Variants in SKAP2 observed in about 807,000 individuals in gnomAD.
SKAP2 encodes the protein src kinase associated phosphoprotein 2.
SKAP2 carries 28 observed loss-of-function variants against 54.9 expected under a neutral mutation model. The observed-to-expected ratio is 0.51, with a 90% CI of 0.38 to 0.70. The LOEUF (loss-of-function observed/expected upper bound fraction) is 0.70, where lower values mean the gene tolerates loss of function less well. SKAP2 is among the 30% of genes least tolerant of loss of function. SKAP2 has a pLI of 0.00. For missense variants in SKAP2, 356 were observed against 424.1 expected, an observed-to-expected ratio of 0.84 and a Z score of 1.41; for synonymous variants, 137 against 134.3, an observed-to-expected ratio of 1.02 and a Z score of -0.14.
chr7:26,745,405 A>G (rs903328534), intron 4 of SKAP2, among the ~76,000 whole-genome samples: 1 of 152,254 alleles, frequency 6.6e-6, no homozygotes, highest in African/African-American at 2.4e-5. Context: ...CAAATAAATA[A>G]AGCATCTACA....
intron 4 of SKAP2, among the ~76,000 whole-genome samples, chr7:26,799,894 G>A (rs1181955651): frequency 6.6e-6 from 1 of 151,996 alleles, no homozygotes; most frequent in Non-Finnish European, 1.5e-5. Context: ...TGAGGCAGGT[G>A]GATCACGAGG....
At chr7:26,799,069 A>AGAGGG (rs1783847789) in intron 4 of SKAP2, among the ~76,000 whole-genome samples, 1 of 151,182 alleles carries the variant, frequency 6.6e-6, no homozygotes, top group African/African-American at 2.4e-5. Context: ...AGGGGCAGGG[A>AGAGGG]CAGGGCAAGG....
At chr7:26,769,261 G>A (rs1251682489) in intron 4 of SKAP2, among the ~76,000 whole-genome samples, 1 of 151,916 alleles carries the variant, frequency 6.6e-6, no homozygotes, top group African/African-American at 2.4e-5. Flanking sequence ...TTGATACTTG[G>A]GTATGCTTCA....
At chr7:26,834,953 A>C (rs1784674979) in intron 4 of SKAP2, among the ~76,000 whole-genome samples, 1 of 152,238 alleles carries the variant, frequency 6.6e-6, no homozygotes, top group Non-Finnish European at 1.5e-5. Flanking sequence ...TCAATGAAAT[A>C]CTGGCAAACA....
intron 4 of SKAP2, among the ~76,000 whole-genome samples, chr7:26,828,600 C>G (rs1282207794): frequency 2.0e-5 from 3 of 150,712 alleles, no homozygotes; most frequent in African/African-American, 7.3e-5. Flanking sequence ...TGGCGTGAAC[C>G]TGGGAGGCAG....
chr7:26,802,536 G>A (rs1309741178), intron 4 of SKAP2, among the ~76,000 whole-genome samples: 1 of 152,110 alleles, frequency 6.6e-6, no homozygotes, highest in Non-Finnish European at 1.5e-5. Context: ...CTCCCAAAGT[G>A]TTGGGATTAT....
rs758548133 is a variant in SKAP2, at chr7:26,864,446, C to A, written c.-17G>T. On this transcript the variant is annotated 5_prime_UTR_variant, in exon 1 of 13. Transcript: ENST00000345317. The stretch of plus-strand genomic sequence containing the variant: ...GTTGGGCATGTTAGGGAGCGCAGGG[C>A]GTGCGGGGAAAGGACCTGCGCTGAA... 2 of 1,593,670 alleles carry A rather than the reference C, an allele frequency of 1.3e-6. No homozygotes were observed. Among genetic ancestry groups the A allele is most frequent in the Admixed American group, 1.7e-5 (1 of 57,230 alleles).
chr7:26,796,910 G>T (rs1324890831), intron 4 of SKAP2, among the ~76,000 whole-genome samples: 1 of 152,150 alleles, frequency 6.6e-6, no homozygotes, highest in African/African-American at 2.4e-5. Flanking sequence ...CATTGTTCAT[G>T]AGTCAACTGT....
At chr7:26,774,654 C>T (rs1222216249) in intron 4 of SKAP2, among the ~76,000 whole-genome samples, 2 of 152,060 alleles carry the variant, frequency 1.3e-5, no homozygotes, top group African/African-American at 2.4e-5. Context: ...TGAATCATGC[C>T]ACCACTTCTT....
In SKAP2 at chr7:26,844,305, CTT is replaced by C. The variant is rs769390857; in HGVS notation, c.200-170_200-169del. On this transcript the variant is annotated intron_variant, in intron 3 of 12. Transcript: ENST00000345317. ...CTTTTAAAACTAGGTAAAAACAGGT[CTT>C]ATTTTATTTTATAGCCATTGTAACT... 3.9e-5 allele frequency among the ~76,000 whole-genome samples: 6 copies of C among 151,996 alleles called. No individual in the cohort carries two copies. The East Asian group carries it at 9.6e-4, about 24-fold the overall frequency.
At chr7:26,732,539 T>A (rs907803624) in intron 6 of SKAP2, among the ~76,000 whole-genome samples, 1 of 152,194 alleles carries the variant, frequency 6.6e-6, no homozygotes, top group East Asian at 1.9e-4. Flanking sequence ...AAATATGAAA[T>A]GTGTTCAGCA....
the SKAP2 span, among the ~76,000 whole-genome samples, chr7:26,657,643 G>C: frequency 9.2e-5 from 14 of 151,830 alleles, no homozygotes; most frequent in African/African-American, 2.9e-4. Context: ...ATCGAGTTTT[G>C]AATGTCACCC....
At chr7:26,750,477 A>G (rs927798599) in intron 4 of SKAP2, among the ~76,000 whole-genome samples, 6 of 151,684 alleles carry the variant, frequency 4.0e-5, no homozygotes, top group Admixed American at 2.0e-4. Context: ...TGCCCAACTA[A>G]TTTTTGTATC....
chr7:26,787,376 G>A (rs564101605), intron 4 of SKAP2, among the ~76,000 whole-genome samples: 24 of 152,004 alleles, frequency 1.6e-4, no homozygotes, highest in Non-Finnish European at 3.2e-4. Context: ...AGGCTGGAGT[G>A]CGGTAGCACA....
intron 9 of SKAP2, among the ~76,000 whole-genome samples, chr7:26,703,119 G>GT (rs1787078493): frequency 6.6e-6 from 1 of 152,200 alleles, no homozygotes; most frequent in East Asian, 1.9e-4. Flanking sequence ...GCTCAGAGCC[G>GT]TATCTTCGAA....
At chr7:26,698,451 C>T (rs1278746247) in intron 9 of SKAP2, among the ~76,000 whole-genome samples, 3 of 152,280 alleles carry the variant, frequency 2.0e-5, no homozygotes, top group Non-Finnish European at 2.9e-5. Flanking sequence ...ACTGCTGACA[C>T]CTTAGCATAA....
intron 4 of SKAP2, among the ~76,000 whole-genome samples, chr7:26,813,900 A>T (rs1209397251): frequency 6.6e-6 from 1 of 152,204 alleles, no homozygotes; most frequent in Non-Finnish European, 1.5e-5. Context: ...TCGAAAGAAA[A>T]ATGTTCTACT....
chr7:26,704,554 A>G (rs903202175), intron 9 of SKAP2, among the ~76,000 whole-genome samples: 1 of 152,248 alleles, frequency 6.6e-6, no homozygotes, highest in African/African-American at 2.4e-5. Flanking sequence ...ACAGACTTTC[A>G]GAATTGTTTT....
intron 9 of SKAP2, among the ~76,000 whole-genome samples, chr7:26,695,006 T>C (rs1786866284): frequency 6.6e-6 from 1 of 152,114 alleles, no homozygotes; most frequent in Non-Finnish European, 1.5e-5. Context: ...AATGGCACCA[T>C]TTAGCTGACA....
Sources: gnomAD v4.1 joint callset for allele counts (sites outside exome capture counted in the v4.1 genomes callset) on GRCh38, gnomAD v4.1.1 for gene constraint, MANE v1.5 for transcripts, NCBI Gene and HGNC (gene_info 2026-07-23, HGNC 2026-07-21) for gene names.